Variants in GPHN observed in about 807,000 individuals in gnomAD.
GPHN encodes gephyrin.
A neutral mutation model predicts 95.5 loss-of-function variants in GPHN; 17 were observed. The ratio of observed to expected loss-of-function variants is 0.18; its 90% CI spans 0.12 to 0.27. GPHN has a LOEUF of 0.27. Ranked by LOEUF, GPHN falls within the 10% of genes least tolerant of loss-of-function variation. The probability of loss-of-function intolerance (pLI) is 1.00; values close to 1 mark genes in which losing one functional copy is unlikely to be tolerated. For missense variants in GPHN, 660 were observed against 978.1 expected, an observed-to-expected ratio of 0.67 and a Z score of 4.34; for synonymous variants, 320 against 322.5, an observed-to-expected ratio of 0.99 and a Z score of 0.08.
intron 9 of GPHN, among the ~76,000 whole-genome samples, chr14:66,965,908 G>A (rs1457945756): frequency 4.6e-5 from 7 of 151,888 alleles, no homozygotes; most frequent in Non-Finnish European, 8.8e-5. Context: ...TCACTGAATT[G>A]TATAGGGTGA....
the GPHN span, among the ~76,000 whole-genome samples, chr14:67,492,444 A>G: frequency 6.6e-6 from 1 of 152,242 alleles, no homozygotes; most frequent in African/African-American, 2.4e-5. Flanking sequence ...TGTCAGTCAG[A>G]AAAAAGAGGC....
At chr14:67,269,651 C>T in the GPHN span, 6 of 152,714 alleles carry the variant, frequency 3.9e-5, no homozygotes, top group South Asian at 1.2e-3. Context: ...CCCCCCAAAA[C>T]ACTGCAGACA....
At chr14:66,978,748 C>G (rs754541319) in intron 9 of GPHN, among the ~76,000 whole-genome samples, 1 of 152,140 alleles carries the variant, frequency 6.6e-6, no homozygotes, top group Non-Finnish European at 1.5e-5. Context: ...TGAATGGCAT[C>G]TAAAATAATG....
At chr14:67,202,689 TTA>T in the GPHN span, among the ~76,000 whole-genome samples, 3 of 152,188 alleles carry the variant, frequency 2.0e-5, no homozygotes, top group Admixed American at 2.0e-4. Flanking sequence ...TACTTGTCTT[TTA>T]TGTCAGTAAC....
Position 66,835,998 on chromosome 14 carries a change from G to A in GPHN, c.294+11432G>A, listed in dbSNP as rs879710290. ...CTCATGGGTAGGAAGAATCAATATC[G>A]TGAAAATGGCCATACTGCCCAAGGT... is the stretch of plus-strand genomic sequence containing the variant. On this transcript the variant is annotated intron_variant, in intron 4 of 22. Transcript: ENST00000478722. Among the ~76,000 whole-genome samples, 1,130 of 138,990 alleles carry A rather than the reference G, an allele frequency of 8.1e-3. 6 individuals carry two copies. Among genetic ancestry groups the A allele is most frequent in the Non-Finnish European group, 0.013 (875 of 65,892 alleles). The allele number at this position is 138,990 out of a possible 152,430, so 91.2% of individuals were successfully genotyped here.
At chr14:67,076,854 C>T (rs1046050456) in intron 11 of GPHN, among the ~76,000 whole-genome samples, 2 of 152,130 alleles carry the variant, frequency 1.3e-5, no homozygotes, top group Non-Finnish European at 1.5e-5. Context: ...TCTCCACTCT[C>T]GATTCATATA....
At chr14:67,390,159 A>G in the GPHN span, among the ~76,000 whole-genome samples, 1 of 152,248 alleles carries the variant, frequency 6.6e-6, no homozygotes, top group Non-Finnish European at 1.5e-5. Context: ...AGAAACATAA[A>G]AATGATTTTT....
intron 4 of GPHN, among the ~76,000 whole-genome samples, chr14:66,840,536 C>G (rs1191404976): frequency 6.6e-6 from 1 of 151,902 alleles, no homozygotes; most frequent in African/African-American, 2.4e-5. Context: ...TCAAAACTAC[C>G]CAACTCTGCC....
the GPHN span, chr14:67,200,125 C>A: frequency 9.3e-7 from 1 of 1,078,184 alleles, no homozygotes; most frequent in Non-Finnish European, 1.4e-6. Flanking sequence ...CCCCCGAAGG[C>A]CTCCATTCTG....
chr14:66,850,565 T>C (rs1331286632), intron 4 of GPHN, among the ~76,000 whole-genome samples: 1 of 152,192 alleles, frequency 6.6e-6, no homozygotes, highest in Admixed American at 6.6e-5. Context: ...TAAATTTTGG[T>C]TCCCCAGGGA....
At chr14:67,456,529 G>C in the GPHN span, among the ~76,000 whole-genome samples, 2 of 151,782 alleles carry the variant, frequency 1.3e-5, no homozygotes, top group Non-Finnish European at 2.9e-5. Context: ...TTGAACCTGG[G>C]AGGAGGAGTT....
intron 1 of GPHN, among the ~76,000 whole-genome samples, chr14:66,605,065 T>C (rs1368348955): frequency 6.6e-6 from 1 of 152,182 alleles, no homozygotes; most frequent in Non-Finnish European, 1.5e-5. Context: ...TATTCCATGG[T>C]GTATATGTGC....
chr14:66,626,807 T>G (rs1365893072), intron 1 of GPHN, among the ~76,000 whole-genome samples: 1 of 152,080 alleles, frequency 6.6e-6, no homozygotes, highest in Non-Finnish European at 1.5e-5. Context: ...GTAACTGAAT[T>G]GGATTCATGT....
the GPHN span, chr14:67,576,415 C>T: frequency 6.2e-7 from 1 of 1,605,488 alleles, no homozygotes; most frequent in East Asian, 2.2e-5. This position sits in a 1 kb window ranked among gnomAD's most constrained non-coding sequence, Gnocchi z 4.0. Context: ...TCTACCACCT[C>T]ACAGTGGCTG....
At chr14:66,572,400 T>C (rs1272760169) in intron 1 of GPHN, among the ~76,000 whole-genome samples, 1 of 152,190 alleles carries the variant, frequency 6.6e-6, no homozygotes, top group Non-Finnish European at 1.5e-5. Flanking sequence ...TCTCAATTTT[T>C]CTGTGTCTTA....
At chr14:66,920,826 C>T (rs2066179060) in intron 6 of GPHN, among the ~76,000 whole-genome samples, 1 of 152,116 alleles carries the variant, frequency 6.6e-6, no homozygotes, top group African/African-American at 2.4e-5. Flanking sequence ...TTAGCTCCCA[C>T]ATATCAGTGA....
At chr14:66,629,088 T>C (rs555324311) in intron 1 of GPHN, among the ~76,000 whole-genome samples, 11 of 138,272 alleles carry the variant, frequency 8.0e-5, no homozygotes, top group African/African-American at 2.7e-4. Context: ...TACATATATA[T>C]ATATATAAAT....
intron 11 of GPHN, among the ~76,000 whole-genome samples, chr14:67,086,963 A>G (rs1002484692): frequency 1.3e-4 from 19 of 149,072 alleles, no homozygotes; most frequent in Non-Finnish European, 2.4e-4. Flanking sequence ...GCGTGAACCC[A>G]GAAGGCGGAG....
intron 17 of GPHN, 24 bp from the exon 18 acceptor site, chr14:67,143,338 T>G (rs1220735079): frequency 4.7e-6 from 7 of 1,490,150 alleles, no homozygotes; most frequent in East Asian, 2.3e-5. Flanking sequence ...GTGTGTTAAT[T>G]TCTTTGTCTT....
Sources: allele counts gnomAD v4.1 joint callset (sites outside exome capture counted in the v4.1 genomes callset), GRCh38; gene constraint gnomAD v4.1.1; non-coding constraint Gnocchi (gnomAD v3.1); transcripts MANE v1.5; gene names NCBI Gene and HGNC (gene_info 2026-07-23, HGNC 2026-07-21).